The following CRACD variants were observed in gnomAD, a reference collection of about 807,000 sequenced individuals.
CRACD encodes capping protein inhibiting regulator of actin dynamics, also known as capping protein-inhibiting regulator of actin dynamics.
CRACD carries 56 observed loss-of-function variants against 106.8 expected under a neutral mutation model. The ratio of observed to expected loss-of-function variants is 0.52; its 90% CI spans 0.42 to 0.66. CRACD has a LOEUF of 0.66. Among genes scored for constraint, CRACD ranks in the 30% least tolerant of loss-of-function variants. The probability of loss-of-function intolerance (pLI) is 0.00; values close to 1 mark genes in which losing one functional copy is unlikely to be tolerated. For synonymous variants in CRACD, 754 were observed against 670.8 expected, an observed-to-expected ratio of 1.12 and a Z score of -1.92; for missense variants, 1,730 against 1,623.2, an observed-to-expected ratio of 1.07 and a Z score of -1.13.
rs934613091 is a variant in CRACD at position 56,286,135 on chromosome 4, G to A, written c.-16-12079G>A. Among the ~76,000 whole-genome samples the A allele has an allele frequency of 8.3e-4, 126 of 152,198 alleles. No individual in the cohort carries two copies. In the Middle Eastern group the frequency reaches 0.014, roughly 16 times the overall value. ...GGGCTAGGTACAGTGGCTCATGACC[G>A]TAATCCCAGCACTTTGGGAGGCTGA... On this transcript the variant is annotated intron_variant, in intron 3 of 10. Transcript: ENST00000682029.
At chr4:56,291,460 C>T (rs767299801) in intron 3 of CRACD, among the ~76,000 whole-genome samples, 3 of 152,134 alleles carry the variant, frequency 2.0e-5, no homozygotes, top group Non-Finnish European at 2.9e-5. Context: ...GAGATCTCCA[C>T]GCAAAGGCTA....
intron 1 of CRACD, among the ~76,000 whole-genome samples, chr4:56,132,016 T>C (rs956748056): frequency 2.0e-5 from 3 of 152,192 alleles, no homozygotes; most frequent in Non-Finnish European, 4.4e-5. Context: ...TTCTACATGA[T>C]AATAGTGAAG....
chr4:56,155,400 A>T (rs1159728599), intron 1 of CRACD, among the ~76,000 whole-genome samples: 1 of 152,216 alleles, frequency 6.6e-6, no homozygotes, highest in African/African-American at 2.4e-5. Context: ...TGCAAATGAC[A>T]TGGAACCCGT....
chr4:56,271,318 A>G (rs2109645153), intron 2 of CRACD, among the ~76,000 whole-genome samples: 1 of 152,300 alleles, frequency 6.6e-6, no homozygotes. Context: ...AATACCTCCA[A>G]CAAATGTTGG....
intron 2 of CRACD, among the ~76,000 whole-genome samples, chr4:56,227,311 T>C (rs1456535748): frequency 1.3e-5 from 2 of 152,202 alleles, no homozygotes; most frequent in African/African-American, 4.8e-5. Flanking sequence ...GGAATAATCA[T>C]AGCCAGACAC....
intron 1 of CRACD, among the ~76,000 whole-genome samples, chr4:56,122,582 G>A (rs1577677323): frequency 6.6e-6 from 1 of 152,062 alleles, no homozygotes; most frequent in South Asian, 2.1e-4. Context: ...CTGTTACTAG[G>A]TGGATCCTGA....
intron 1 of CRACD, among the ~76,000 whole-genome samples, chr4:56,112,193 C>T (rs150659098): frequency 2.0e-5 from 3 of 152,204 alleles, no homozygotes; most frequent in African/African-American, 4.8e-5. Flanking sequence ...CTTCGTGCAA[C>T]GAAGCCAAAT....
chr4:56,260,671 G>A (rs1741641534), intron 2 of CRACD, among the ~76,000 whole-genome samples: 1 of 152,156 alleles, frequency 6.6e-6, no homozygotes, highest in African/African-American at 2.4e-5. Context: ...TCAATACATT[G>A]AAAGATTTTA....
At chr4:56,258,423 G>T (rs900755480) in intron 2 of CRACD, among the ~76,000 whole-genome samples, 1 of 152,176 alleles carries the variant, frequency 6.6e-6, no homozygotes, top group Admixed American at 6.5e-5. Flanking sequence ...CATGTTCTCA[G>T]CACCTCCTGA....
chr4:56,211,699 G>A (rs1738418691), intron 2 of CRACD, among the ~76,000 whole-genome samples: 1 of 152,200 alleles, frequency 6.6e-6, no homozygotes, highest in African/African-American at 2.4e-5. Flanking sequence ...AGCGCGTGCT[G>A]ATTGGTTTGT....
chr4:56,255,203 G>A lies in CRACD; in HGVS notation c.-188-17118G>A, dbSNP rs866167011. 5.3e-5 allele frequency among the ~76,000 whole-genome samples: 8 copies of A among 150,374 alleles called. No homozygotes were observed. In the South Asian group the frequency reaches 6.3e-4, roughly 12 times the overall value. On this transcript the variant is annotated intron_variant, in intron 2 of 10. Coordinates refer to ENST00000682029, the MANE Select transcript of CRACD (RefSeq NM_001393381.1). ...CAGTTATTTAATTAACCTGTATTGAGTCTCTGTGTTATCAATAATTACTAC... is the reference window on the plus strand; with the variant it reads ...CAGTTATTTAATTAACCTGTATTGAATCTCTGTGTTATCAATAATTACTAC...
At chr4:56,323,722 C>T (rs998079424) in intron 9 of CRACD, among the ~76,000 whole-genome samples, 155 bp downstream of exon 9, 10 of 152,134 alleles carry the variant, frequency 6.6e-5, no homozygotes, top group African/African-American at 2.4e-4. Context: ...ACCAGGGAAG[C>T]GTTTTCAGTG....
intron 1 of CRACD, among the ~76,000 whole-genome samples, chr4:56,075,609 G>C (rs1732813787): frequency 6.6e-6 from 1 of 151,970 alleles, no homozygotes; most frequent in Non-Finnish European, 1.5e-5. Context: ...AATCGCTCCT[G>C]GTTACTCCCT....
chr4:56,057,869 A>C lies in CRACD; in HGVS notation c.-336+8570A>C, dbSNP rs1732140591. ...AGTCTCGCTCTGTCGCCCAGGCTGG[A>C]GTGCAGTGGCGCGATCTCGGCTCAC... On this transcript the variant is annotated intron_variant, in intron 1 of 10. Transcript: ENST00000682029. 3.5e-5 allele frequency among the ~76,000 whole-genome samples: 2 copies of C among 57,738 alleles called. 1 individual carries two copies. Among genetic ancestry groups the C allele is most frequent in the Non-Finnish European group, 5.8e-5 (2 of 34,720 alleles). 37.9% of individuals were successfully genotyped at this position (57,738 alleles called of 152,430 possible).
chr4:56,254,219 A>T (rs1343078731), intron 2 of CRACD, among the ~76,000 whole-genome samples: 1 of 152,218 alleles, frequency 6.6e-6, no homozygotes, highest in East Asian at 1.9e-4. Flanking sequence ...TTTCATCTAC[A>T]TGTAGTGCTC....
intron 3 of CRACD, among the ~76,000 whole-genome samples, chr4:56,281,803 C>T (rs145555763): frequency 6.6e-6 from 1 of 152,060 alleles, no homozygotes; most frequent in African/African-American, 2.4e-5. Context: ...GTTAGAAGAT[C>T]GTTTGTCTTA....
chr4:56,287,122 A>C (rs1036818738), intron 3 of CRACD, among the ~76,000 whole-genome samples: 6 of 152,232 alleles, frequency 3.9e-5, no homozygotes, highest in Middle Eastern at 3.4e-3. Flanking sequence ...ATTCTATAAC[A>C]GTCTTTTATT....
At chr4:56,099,977 T>TC (rs1218116306) in intron 1 of CRACD, among the ~76,000 whole-genome samples, 1 of 152,158 alleles carries the variant, frequency 6.6e-6, no homozygotes, top group Non-Finnish European at 1.5e-5. Context: ...GCACGGTGGC[T>TC]CATGCCTGTA....
rs551714137 is a variant in CRACD, at chr4:56,310,624, C to T, written c.286-42C>T. On this transcript the variant is annotated intron_variant, in intron 5 of 10. Coordinates refer to ENST00000682029, the MANE Select transcript of CRACD (RefSeq NM_001393381.1). ...GTGTCTGGTTATTTGCCCAGAACTT[C>T]CTGTTCAGGCCTTTGACTTGAATGC... 2.5e-5 allele frequency: 35 copies of T among 1,405,166 alleles called. No individual in the cohort carries two copies. The South Asian group carries it at 3.8e-4, about 15-fold the overall frequency. The allele number at this position is 1,405,166 out of a possible 1,614,324, so 87.0% of individuals were successfully genotyped here. A position where few individuals can be genotyped will look rare whatever the true frequency, so the allele number is the denominator to read the frequency against.
Sources: gnomAD v4.1 joint callset for allele counts (sites outside exome capture counted in the v4.1 genomes callset) on GRCh38, gnomAD v4.1.1 for gene constraint, MANE v1.5 for transcripts, NCBI Gene and HGNC (gene_info 2026-07-23, HGNC 2026-07-21) for gene names.